IL10RB: variants seen among roughly 807,000 people sequenced by gnomAD.
IL10RB encodes the protein interleukin-10 receptor subunit beta.
IL10RB carries 30 observed loss-of-function variants against 38.7 expected under a neutral mutation model. That is an observed-to-expected ratio of 0.78 (90% CI 0.58 to 1.05). The LOEUF (loss-of-function observed/expected upper bound fraction) is 1.05. Ranked by LOEUF, IL10RB falls within the 50% of genes least tolerant of loss-of-function variation. The probability of loss-of-function intolerance (pLI) is 0.00; values close to 1 mark genes in which losing one functional copy is unlikely to be tolerated. For synonymous variants in IL10RB, 142 were observed against 145.9 expected (o/e 0.97, Z 0.19); for missense variants, 328 against 397.1 (o/e 0.83, Z 1.48).
Position 33,296,645 on chromosome 21 carries a change from A to C in IL10RB, c.*288A>C. On this transcript the variant is annotated 3_prime_UTR_variant, in exon 7 of 7. Coordinates refer to ENST00000290200, the MANE Select transcript of IL10RB (RefSeq NM_000628.5). ...CCTTTTATATCACTAAAATAAGATCATGTTTTAATTGTGAGAAACAGGGCC... is the reference window on the plus strand; with the variant it reads ...CCTTTTATATCACTAAAATAAGATCCTGTTTTAATTGTGAGAAACAGGGCC... 1.9e-6 allele frequency: 1 copy of C among 536,780 alleles called. No individual in the cohort carries two copies. The highest frequency in any genetic ancestry group is 1.6e-5 in the South Asian group (1 of 62,828). 33.3% of individuals were successfully genotyped at this position (536,780 alleles called of 1,614,324 possible). A position where few individuals can be genotyped will look rare whatever the true frequency, so the allele number is the denominator to read the frequency against.
At chr21:33,281,049 G>C (rs1038761175) in intron 4 of IL10RB, among the ~76,000 whole-genome samples, 1 of 152,240 alleles carries the variant, frequency 6.6e-6, no homozygotes, top group Non-Finnish European at 1.5e-5. Context: ...TGTCTGGTGA[G>C]CACTGGCGTG....
chr21:33,287,584 C>G (rs1411415828), intron 5 of IL10RB, among the ~76,000 whole-genome samples: 1 of 152,054 alleles, frequency 6.6e-6, no homozygotes, highest in Non-Finnish European at 1.5e-5. Context: ...CCAGACTGGT[C>G]TCAAACTCCT....
Position 33,276,680 on chromosome 21 carries a change from C to T in IL10RB, c.258C>T (p.Thr86=). ...GTCTTTCCAAGTATGGTGACCACAC[C>T]TTGAGAGTCAGGGCTGAATTTGCAG... ...FSSLSKYGDH[T]LRVRAEFADE... Residue 86 remains threonine (T), a synonymous_variant, in exon 3 of 7, where the codon ACC becomes ACT. Coordinates refer to ENST00000290200, the MANE Select transcript of IL10RB (RefSeq NM_000628.5). 1 of 1,613,502 alleles carries T rather than the reference C, an allele frequency of 6.2e-7. No individual in the cohort carries two copies. The highest frequency in any genetic ancestry group is 1.1e-5 in the South Asian group (1 of 91,070).
At chr21:33,305,459 T>G (rs1568915724) in intron 1 of IL10RB, among the ~76,000 whole-genome samples, 1 of 152,058 alleles carries the variant, frequency 6.6e-6, no homozygotes, top group African/African-American at 2.4e-5. Flanking sequence ...CAAAGGTCAC[T>G]CTCACTTCCT....
intron 3 of IL10RB, among the ~76,000 whole-genome samples, chr21:33,278,633 G>A (rs1989224028): frequency 2.0e-5 from 3 of 152,162 alleles, no homozygotes; most frequent in African/African-American, 7.2e-5. Context: ...GGTCATGAGT[G>A]GCTGAGCAAG....
intron 5 of IL10RB, among the ~76,000 whole-genome samples, chr21:33,284,446 C>G (rs1226878230): frequency 6.6e-6 from 1 of 152,032 alleles, no homozygotes; most frequent in African/African-American, 2.4e-5. Flanking sequence ...TTCATTTTTT[C>G]TTAAAACACA....
At chr21:33,283,298 C>T in intron 5 of IL10RB, 57 bp downstream of exon 5, 1 of 1,541,510 alleles carries the variant, frequency 6.5e-7, no homozygotes, top group African/African-American at 1.4e-5. Context: ...AGACACCTGC[C>T]CTAGACATGA....
At chr21:33,305,307 G>A (rs1372051426) in intron 1 of IL10RB, among the ~76,000 whole-genome samples, 3 of 151,904 alleles carry the variant, frequency 2.0e-5, no homozygotes, top group Non-Finnish European at 2.9e-5. Flanking sequence ...ACAGGGTTTC[G>A]CCATGTTGCC....
At chr21:33,288,777 G>T (rs991218209) in intron 6 of IL10RB, among the ~76,000 whole-genome samples, 1 of 152,198 alleles carries the variant, frequency 6.6e-6, no homozygotes, top group Non-Finnish European at 1.5e-5. Context: ...TTAGGAAGAA[G>T]AAACAATGCA....
chr21:33,279,924 G>A lies in IL10RB; in HGVS notation c.498+6G>A, dbSNP rs1989250065. The A allele has an allele frequency of 6.2e-7, 1 of 1,612,584 alleles. No individual in the cohort carries two copies. The highest frequency in any genetic ancestry group is 1.7e-4 in the Middle Eastern group (1 of 6,056). ...AAAACGGTACTGATGAAAAGGTAAG[G>A]TTGGCTAATTGCATTTCAGAGGTAG... On this transcript the variant is annotated splice_donor_region_variant and intron_variant, in intron 4 of 6. Transcript: ENST00000290200.
intron 2 of IL10RB, among the ~76,000 whole-genome samples, chr21:33,272,531 C>G (rs1989099892): frequency 6.6e-6 from 1 of 152,200 alleles, no homozygotes; most frequent in Non-Finnish European, 1.5e-5. Flanking sequence ...ACTGCAGCCT[C>G]CACCTCCCAG....
At chr21:33,296,043 CA>C in intron 6 of IL10RB, 140 bp from the exon 7 acceptor site, 2 of 496,782 alleles carry the variant, frequency 4.0e-6, no homozygotes, top group South Asian at 2.8e-5. Context: ...GACTCTGTCT[CA>C]AAAAAATAAA....
intron 1 of IL10RB, among the ~76,000 whole-genome samples, chr21:33,306,709 A>G (rs918697341): frequency 3.3e-5 from 5 of 151,676 alleles, no homozygotes; most frequent in Non-Finnish European, 5.9e-5. Flanking sequence ...AATTTTTTTT[A>G]CTTGCTTTGT....
At chr21:33,303,348 TTC>T (rs1431704799) in intron 1 of IL10RB, among the ~76,000 whole-genome samples, 4 of 120,284 alleles carry the variant, frequency 3.3e-5, no homozygotes, top group African/African-American at 1.3e-4. Flanking sequence ...CACTGTTACT[TTC>T]TTTTTTTTTT....
chr21:33,307,870 T>C (rs2083002635), intron 1 of IL10RB, among the ~76,000 whole-genome samples: 1 of 152,212 alleles, frequency 6.6e-6, no homozygotes. Context: ...CACTAGATTG[T>C]AGGCTCCAGG....
chr21:33,290,880 C>T (rs969019761), intron 6 of IL10RB, among the ~76,000 whole-genome samples: 3 of 152,206 alleles, frequency 2.0e-5, no homozygotes, highest in African/African-American at 4.8e-5. Flanking sequence ...AAGTAGCACT[C>T]GTTGCGCAGC....
chr21:33,270,451 T>G (rs2507747), intron 2 of IL10RB, among the ~76,000 whole-genome samples: 103,159 of 150,606 alleles, frequency 0.68, 35,546 homozygotes, highest in East Asian at 0.77. Flanking sequence ...CGCGATCTCA[T>G]CTCACTGCAA....
At chr21:33,267,489 TTTTTG>T (rs1988981113) in intron 1 of IL10RB, among the ~76,000 whole-genome samples, 1 of 148,776 alleles carries the variant, frequency 6.7e-6, no homozygotes, top group African/African-American at 2.5e-5. Flanking sequence ...TCCGTTTTTT[TTTTTG>T]TTTGTTTGTT....
At chr21:33,309,444 G>C (rs1057308818) in exon 2 of IL10RB, 1 of 152,168 alleles carries the variant, frequency 6.6e-6, no homozygotes, top group African/African-American at 2.4e-5. Context: ...ACAATTCTAT[G>C]GTCTTAGCAG....
Sources: gnomAD v4.1 joint callset for allele counts (sites outside exome capture counted in the v4.1 genomes callset) on GRCh38, gnomAD v4.1.1 for gene constraint, MANE v1.5 for transcripts, NCBI Gene and HGNC (gene_info 2026-07-23, HGNC 2026-07-21) for gene names.